Variants in ARSB observed in about 807,000 individuals in gnomAD.
ARSB encodes arylsulfatase B, also known as N-acetylgalactosamine-4-sulfatase.
In ARSB, 41 loss-of-function variants were observed where a neutral mutation model predicts 50.9. The ratio of observed to expected loss-of-function variants is 0.81; its 90% CI spans 0.63 to 1.04. ARSB has a LOEUF of 1.04. Among genes scored for constraint, ARSB ranks in the 50% least tolerant of loss-of-function variants. The pLI, the probability that ARSB is intolerant of heterozygous loss-of-function variation, is 0.00. For missense variants in ARSB, 672 were observed against 693.3 expected, an observed-to-expected ratio of 0.97 and a Z score of 0.35; for synonymous variants, 269 against 284.8, an observed-to-expected ratio of 0.94 and a Z score of 0.56.
chr5:78,836,109 T>C (rs1744944370), intron 6 of ARSB, among the ~76,000 whole-genome samples: 1 of 152,162 alleles, frequency 6.6e-6, no homozygotes, highest in South Asian at 2.1e-4. Flanking sequence ...ATGAATTGCA[T>C]AGAAAAGGAA....
intron 4 of ARSB, among the ~76,000 whole-genome samples, chr5:78,926,015 A>T (rs1750030039): frequency 1.3e-5 from 2 of 152,182 alleles, no homozygotes; most frequent in South Asian, 4.1e-4. Context: ...AAAAAGAAAG[A>T]TTCCTGAATA....
chr5:78,977,209 A>G (rs1481266401), intron 1 of ARSB, among the ~76,000 whole-genome samples: 3 of 146,908 alleles, frequency 2.0e-5, no homozygotes, highest in African/African-American at 7.8e-5. Flanking sequence ...GCTGGAGTGC[A>G]GTGGCGCAAT....
At chr5:78,963,909 A>T (rs1363253569) in intron 3 of ARSB, among the ~76,000 whole-genome samples, 1 of 152,204 alleles carries the variant, frequency 6.6e-6, no homozygotes, top group Non-Finnish European at 1.5e-5. Context: ...GAATAGCAAA[A>T]TATTCTTGTA....
intron 5 of ARSB, among the ~76,000 whole-genome samples, chr5:78,844,948 A>G (rs1456330532): frequency 1.3e-5 from 2 of 152,090 alleles, no homozygotes; most frequent in Admixed American, 1.3e-4. Context: ...AATGATAGTC[A>G]CCCTATAGTG....
chr5:78,957,742 C>A (rs1467844487), intron 3 of ARSB, among the ~76,000 whole-genome samples: 1 of 152,028 alleles, frequency 6.6e-6, no homozygotes, highest in African/African-American at 2.4e-5. Flanking sequence ...GACATCCCAA[C>A]AGATGCCCTG....
chr5:78,793,174 C>A (rs1743037413), intron 6 of ARSB, among the ~76,000 whole-genome samples: 1 of 152,192 alleles, frequency 6.6e-6, no homozygotes, highest in Admixed American at 6.5e-5. Context: ...GGTCTTTGCA[C>A]AGCTATTGCC....
At chr5:78,928,227 G>A (rs887107236) in intron 4 of ARSB, among the ~76,000 whole-genome samples, 2 of 151,642 alleles carry the variant, frequency 1.3e-5, no homozygotes, top group Admixed American at 6.6e-5. Context: ...TGCCCACAGG[G>A]AGCTAAGGGA....
At chr5:78,872,661 T>A (rs1390453525) in intron 5 of ARSB, among the ~76,000 whole-genome samples, 1 of 125,814 alleles carries the variant, frequency 7.9e-6, no homozygotes, top group African/African-American at 3.1e-5. Flanking sequence ...CCCTGGGGAC[T>A]GTGGTGGGGA....
At chr5:78,878,654 T>C (rs1217339477) in intron 5 of ARSB, among the ~76,000 whole-genome samples, 1 of 152,070 alleles carries the variant, frequency 6.6e-6, no homozygotes, top group Non-Finnish European at 1.5e-5. Context: ...ATGGCATCTG[T>C]AAAATTGAGG....
intron 5 of ARSB, among the ~76,000 whole-genome samples, chr5:78,852,257 G>T (rs1313090102): frequency 6.6e-6 from 1 of 152,162 alleles, no homozygotes; most frequent in Non-Finnish European, 1.5e-5. Flanking sequence ...GCCTGGTGGT[G>T]ACAAAATCTC....
At chr5:78,981,887 A>T in intron 1 of ARSB, among the ~76,000 whole-genome samples, 1 of 151,586 alleles carries the variant, frequency 6.6e-6, no homozygotes, top group East Asian at 1.9e-4. Flanking sequence ...AACTTAAAGC[A>T]TGACTGCCAA....
intron 5 of ARSB, among the ~76,000 whole-genome samples, chr5:78,857,387 T>A (rs1746203346): frequency 6.6e-6 from 1 of 152,214 alleles, no homozygotes; most frequent in Admixed American, 6.5e-5. Context: ...CCTTATTTTT[T>A]GGTTTTGGTA....
At chr5:78,844,094 G>A (rs1443784052) in intron 5 of ARSB, among the ~76,000 whole-genome samples, 1 of 152,086 alleles carries the variant, frequency 6.6e-6, no homozygotes, top group Admixed American at 6.6e-5. Context: ...CAGGTCATAT[G>A]GTAACTCTAC....
chr5:78,834,874 A>T (rs1222845621), intron 6 of ARSB, among the ~76,000 whole-genome samples: 1 of 151,842 alleles, frequency 6.6e-6, no homozygotes, highest in Non-Finnish European at 1.5e-5. Flanking sequence ...TATTGTCCAT[A>T]GAGGCTACAT....
At position 78,903,526 on chromosome 5, in the gene ARSB, G is replaced by A. The variant is rs191256356; in HGVS notation, c.899-17699C>T. On this transcript the variant is annotated intron_variant, in intron 4 of 7. Coordinates refer to ENST00000264914, the MANE Select transcript of ARSB (RefSeq NM_000046.5). ...GCTTGGCTTCTTTTATAAAACAGTA[G>A]ACCTCCTCTGGAGTCAATGTGCTTC... Among the ~76,000 whole-genome samples, 196 of 152,234 alleles carry A rather than the reference G, an allele frequency of 1.3e-3. 1 individual carries two copies. The highest frequency in any genetic ancestry group is 0.01 in the Middle Eastern group (3 of 294).
chr5:78,941,491 AG>A lies in ARSB; in HGVS notation c.898+13803del, dbSNP rs1343899714. ...AATTTATTGAGAGTTTTTAGCATGAAGGGTTGTTGAATTTTGTCAAAGGCCT... is the reference window on the plus strand; with the variant it reads ...AATTTATTGAGAGTTTTTAGCATGAAGGTTGTTGAATTTTGTCAAAGGCCT... On this transcript the variant is annotated intron_variant, in intron 4 of 7. Coordinates refer to ENST00000264914, the MANE Select transcript of ARSB (RefSeq NM_000046.5). Among the ~76,000 whole-genome samples, 16 of 152,284 alleles carry A rather than the reference AG, an allele frequency of 1.1e-4. No individual in the cohort carries two copies. In the East Asian group the frequency reaches 2.7e-3, roughly 26 times the overall value.
At chr5:78,972,698 G>A (rs191725518) in intron 1 of ARSB, among the ~76,000 whole-genome samples, 12 of 152,310 alleles carry the variant, frequency 7.9e-5, no homozygotes, top group African/African-American at 2.6e-4. Flanking sequence ...AAAAGCCCCA[G>A]TGGAGATAAA....
intron 6 of ARSB, among the ~76,000 whole-genome samples, chr5:78,818,580 A>G (rs1744089696): frequency 6.7e-6 from 1 of 149,862 alleles, no homozygotes; most frequent in Non-Finnish European, 1.5e-5. Flanking sequence ...AAATGGAAAG[A>G]ACCCATAAAA....
At chr5:78,968,842 G>C (rs1394226706) in intron 2 of ARSB, among the ~76,000 whole-genome samples, 164 bp downstream of exon 2, 6 of 152,166 alleles carry the variant, frequency 3.9e-5, no homozygotes, top group Non-Finnish European at 5.9e-5. Flanking sequence ...TCAGCACAGA[G>C]CCCTGTTTAC....
Sources: gnomAD v4.1 joint callset for allele counts (sites outside exome capture counted in the v4.1 genomes callset) on GRCh38, gnomAD v4.1.1 for gene constraint, MANE v1.5 for transcripts, NCBI Gene and HGNC (gene_info 2026-07-23, HGNC 2026-07-21) for gene names.